The following CLVS1 variants were observed in gnomAD, a reference collection of about 807,000 sequenced individuals.
CLVS1 encodes clavesin-1.
A neutral mutation model predicts 33.1 loss-of-function variants in CLVS1; 10 were observed. The ratio of observed to expected loss-of-function variants is 0.30; its 90% CI spans 0.19 to 0.51. The LOEUF (loss-of-function observed/expected upper bound fraction) is 0.51. Ranked by LOEUF, CLVS1 falls within the 20% of genes least tolerant of loss-of-function variation. CLVS1 has a pLI of 0.97. For synonymous variants in CLVS1, 163 were observed against 166.1 expected, an observed-to-expected ratio of 0.98 and a Z score of 0.14; for missense variants, 343 against 433.4, an observed-to-expected ratio of 0.79 and a Z score of 1.85.
At chr8:61,356,356 T>C (rs1161600537) in intron 2 of CLVS1, among the ~76,000 whole-genome samples, 5 of 152,108 alleles carry the variant, frequency 3.3e-5, no homozygotes, top group Non-Finnish European at 5.9e-5. Flanking sequence ...TTCTCCCATT[T>C]TGTAGGTTGC....
intron 2 of CLVS1, among the ~76,000 whole-genome samples, chr8:61,329,203 ATCTCTCTC>A (rs34303330): frequency 1.4e-5 from 2 of 145,168 alleles, no homozygotes; most frequent in South Asian, 2.2e-4. Context: ...ACCCCTCCTC[ATCTCTCTC>A]TCTCTCTCTC....
At chr8:61,139,071 G>A (rs1165647801) in intron 2 of CLVS1, among the ~76,000 whole-genome samples, 2 of 152,246 alleles carry the variant, frequency 1.3e-5, no homozygotes, top group Admixed American at 6.5e-5. Context: ...GCCTCTCCAG[G>A]ATGCCCTCAA....
At chr8:61,083,236 T>C (rs546270006) in intron 1 of CLVS1, among the ~76,000 whole-genome samples, 20 of 152,314 alleles carry the variant, frequency 1.3e-4, no homozygotes, top group Admixed American at 1.1e-3. Context: ...CTCCTCTGCC[T>C]CCCAAGGTGC....
intron 3 of CLVS1, among the ~76,000 whole-genome samples, chr8:61,437,827 C>T (rs1240558896): frequency 6.6e-6 from 1 of 152,088 alleles, no homozygotes; most frequent in Non-Finnish European, 1.5e-5. Flanking sequence ...AATTAGTAAG[C>T]ATATGCATCC....
rs1340223907 is a variant in CLVS1 at position 61,232,032 on chromosome 8, T to G, written c.-151-67645T>G. On this transcript the variant is annotated intron_variant, in intron 2 of 2. Transcript: ENST00000522621. ...CCTGAGGAAAGTTGTGGTTTTTTTT[T>G]TTTTTTTTTTTTTTTTTTGTGAGAT... 2.6e-3 allele frequency among the ~76,000 whole-genome samples: 187 copies of G among 70,848 alleles called. 5 individuals are homozygous for G. Among genetic ancestry groups the G allele is most frequent in the African/African-American group, 4.9e-3 (118 of 23,868 alleles). The allele number at this position is 70,848 out of a possible 152,430, so 46.5% of individuals were successfully genotyped here.
intron 2 of CLVS1, among the ~76,000 whole-genome samples, chr8:61,371,209 T>C (rs148003507): frequency 0.011 from 1,650 of 152,314 alleles, 12 homozygotes; most frequent in South Asian, 0.019. Context: ...AGGTATTGCA[T>C]TGTGGTTTTG....
intron 1 of CLVS1, among the ~76,000 whole-genome samples, chr8:61,297,611 CAAGT>C (rs1810264920): frequency 6.6e-6 from 1 of 152,058 alleles, no homozygotes; most frequent in Non-Finnish European, 1.5e-5. Context: ...GTCTGTGAGT[CAAGT>C]AAGTGGAGAT....
intron 2 of CLVS1, among the ~76,000 whole-genome samples, chr8:61,334,493 C>A (rs973911514): frequency 1.3e-5 from 2 of 152,174 alleles, no homozygotes; most frequent in African/African-American, 4.8e-5. Flanking sequence ...ACACAAAGGG[C>A]AAGGGATTTC....
Position 61,304,783 on chromosome 8 carries a change from G to T in CLVS1, c.455+4501G>T, listed in dbSNP as rs760845516. On this transcript the variant is annotated intron_variant, in intron 2 of 5. Transcript: ENST00000325897. ...AAACTGAGCATAAAGGGACACATCG[G>T]TTTTTTTTCTGGATTTCACTCAGTT... Among the ~76,000 whole-genome samples the T allele has an allele frequency of 9.2e-5, 14 of 151,816 alleles. No homozygotes were observed. In the South Asian group the frequency reaches 1.0e-3, roughly 11 times the overall value.
chr8:61,107,777 T>C (rs1041229766), intron 1 of CLVS1, among the ~76,000 whole-genome samples: 1 of 152,244 alleles, frequency 6.6e-6, no homozygotes, highest in Non-Finnish European at 1.5e-5. Flanking sequence ...CCTGAGCTGC[T>C]TTAAAAATAT....
intron 2 of CLVS1, among the ~76,000 whole-genome samples, chr8:61,316,118 C>A (rs1386052009): frequency 6.6e-6 from 1 of 152,094 alleles, no homozygotes; most frequent in East Asian, 1.9e-4. Flanking sequence ...TTTCTTTATC[C>A]AGTCTATCCG....
rs541340262 is a variant in CLVS1, at chr8:61,128,852, T to G, written c.-242-2918T>G. 1.1e-4 allele frequency among the ~76,000 whole-genome samples: 17 copies of G among 152,378 alleles called. No individual in the cohort carries two copies. In the South Asian group the frequency reaches 1.9e-3, roughly 17 times the overall value. On this transcript the variant is annotated intron_variant, in intron 1 of 2. Transcript: ENST00000522621. ...TACTGTCACAAGAGTGGATCTGATC[T>G]CAGTTTGTTTTGGGAATAGAGATAA... is the stretch of plus-strand genomic sequence containing the variant.
At chr8:61,023,718 G>A in the CLVS1 span, among the ~76,000 whole-genome samples, 1 of 152,216 alleles carries the variant, frequency 6.6e-6, no homozygotes, top group East Asian at 1.9e-4. Context: ...CCGCCGGGAG[G>A]CTGCGCGCCG....
intron 2 of CLVS1, among the ~76,000 whole-genome samples, chr8:61,318,692 C>G (rs1811093889): frequency 6.6e-6 from 1 of 152,074 alleles, no homozygotes; most frequent in Non-Finnish European, 1.5e-5. Flanking sequence ...TTGGGAAAAC[C>G]TCTTCATCTC....
At chr8:61,252,820 C>T (rs115166592) in intron 2 of CLVS1, among the ~76,000 whole-genome samples, 4,568 of 152,216 alleles carry the variant, frequency 0.03, 221 homozygotes, top group African/African-American at 0.1. Flanking sequence ...TGTCTTTAAA[C>T]GTGAGATGGG....
intron 5 of CLVS1, among the ~76,000 whole-genome samples, chr8:61,469,966 C>T (rs1410402223): frequency 6.6e-6 from 1 of 152,220 alleles, no homozygotes; most frequent in Admixed American, 6.5e-5. Flanking sequence ...TGTATCATCA[C>T]TTCTAGAAGC....
intron 2 of CLVS1, among the ~76,000 whole-genome samples, chr8:61,346,658 C>T (rs1020715502): frequency 6.6e-6 from 1 of 152,082 alleles, no homozygotes; most frequent in African/African-American, 2.4e-5. Flanking sequence ...CTTTTTTCCC[C>T]CAGATAAAGT....
At chr8:61,391,495 C>A (rs906001502) in intron 3 of CLVS1, among the ~76,000 whole-genome samples, 1 of 152,112 alleles carries the variant, frequency 6.6e-6, no homozygotes. Flanking sequence ...TGGAAAATAC[C>A]TTTACTACTG....
intron 2 of CLVS1, among the ~76,000 whole-genome samples, chr8:61,322,960 G>A (rs905651533): frequency 6.6e-6 from 1 of 151,946 alleles, no homozygotes; most frequent in Non-Finnish European, 1.5e-5. Flanking sequence ...GTGGTACTCC[G>A]AATAATCATC....
Sources: gnomAD v4.1 joint callset for allele counts (sites outside exome capture counted in the v4.1 genomes callset) on GRCh38, gnomAD v4.1.1 for gene constraint, MANE v1.5 for transcripts, NCBI Gene and HGNC (gene_info 2026-07-23, HGNC 2026-07-21) for gene names.